SIGLEC6: variants seen among roughly 807,000 people sequenced by gnomAD.
SIGLEC6 encodes the protein sialic acid-binding Ig-like lectin 6.
Under a neutral mutation model 41.4 loss-of-function variants are expected in SIGLEC6, and 31 were observed. That is an observed-to-expected ratio of 0.75 (90% CI 0.56 to 1.01). SIGLEC6 has a LOEUF of 1.01. Among genes scored for constraint, SIGLEC6 ranks in the 50% least tolerant of loss-of-function variants. The pLI is 0.00. For synonymous variants in SIGLEC6, 217 were observed against 231.0 expected, an observed-to-expected ratio of 0.94 and a Z score of 0.55; for missense variants, 555 against 558.6, an observed-to-expected ratio of 0.99 and a Z score of 0.06.
rs767794168 is a variant in SIGLEC6 at position 51,530,979 on chromosome 19, G to A, written c.428-20C>T. The A allele has an allele frequency of 5.4e-5, 87 of 1,605,940 alleles. No homozygotes were observed. Among genetic ancestry groups the A allele is most frequent in the East Asian group, 2.5e-4 (11 of 44,876 alleles). ...TCAGGGCTGGTGAGGAGATGGGGAC[G>A]CAGGATCAGGATGGAGGTCTGAGGT... is the stretch of plus-strand genomic sequence containing the variant. On this transcript the variant is annotated intron_variant, in intron 2 of 7. Transcript: ENST00000425629.
rs377632071 is a variant in SIGLEC6, at chr19:51,529,970, G to C, written c.766C>G (p.Leu256Val). The C allele has an allele frequency of 6.3e-7, 1 of 1,592,874 alleles. No homozygotes were observed. The highest frequency in any genetic ancestry group is 1.7e-5 in the Admixed American group (1 of 57,878). ...ACAGGGAGGGACGAGGTGTTTTGCA[G>C]GATTTTGAAGGCTTTGGGGAGAGAG... ...FQGNSAAFKI[L>V]QNTSSLPVLE... is the part of the protein sequence containing the mutation. Residue 256 changes from leucine to valine, a missense_variant, in exon 5 of 8, where the codon CTG (leucine) becomes GTG (valine). Coordinates refer to ENST00000425629, the MANE Select transcript of SIGLEC6 (RefSeq NM_001245.7).
chr19:51,528,958 G>A (rs1431687956), intron 5 of SIGLEC6, among the ~76,000 whole-genome samples: 4 of 131,180 alleles, frequency 3.0e-5, no homozygotes, highest in South Asian at 2.4e-4. Context: ...AGCCAAGATC[G>A]CACCATTGCA....
chr19:51,529,568 GCAGTGTGGACTCTAAGC>G, intron 5 of SIGLEC6, 139 bp downstream of exon 5: 1 of 871,452 alleles, frequency 1.1e-6, no homozygotes, highest in Non-Finnish European at 1.8e-6. Context: ...AGGAGCCACT[GCAGTGTGGACTCTAAGC>G]CTCCCAGAGG....
intron 7 of SIGLEC6, among the ~76,000 whole-genome samples, 200 bp from the exon 8 acceptor site, chr19:51,520,455 T>C (rs1421910257): frequency 6.6e-6 from 1 of 152,152 alleles, no homozygotes; most frequent in Admixed American, 6.5e-5. Flanking sequence ...AGCGGCATGA[T>C]CACGGCTCAG....
rs772505116 is a variant in SIGLEC6, at chr19:51,531,228, A to T, written c.359T>A (p.Phe120Tyr). The change falls in exon 2 of 8, where the codon TTC becomes TAC. Residue 120 changes from phenylalanine (F) to tyrosine (Y), a missense_variant. Phe to Tyr is a conservative substitution (Grantham distance 22). Transcript: ENST00000425629. Reference protein sequence around the residue: ...DARRRDNAAYFFRLKSKWMKY... With the variant: ...DARRRDNAAYYFRLKSKWMKY... Reference sequence around the variant, plus strand: ...CATCCATTTGGACTTCAACCGAAAGAAGTATGCAGCATTGTCCCTCCTCCG... The same window carrying T: ...CATCCATTTGGACTTCAACCGAAAGTAGTATGCAGCATTGTCCCTCCTCCG... 3.7e-6 allele frequency: 6 copies of T among 1,613,338 alleles called. No homozygotes were observed. Among genetic ancestry groups the T allele is most frequent in the Non-Finnish European group, 5.1e-6 (6 of 1,179,630 alleles).
chr19:51,525,340 C>G lies in SIGLEC6; in HGVS notation c.1188+2407G>C, dbSNP rs2122364034. On this transcript the variant is annotated intron_variant, in intron 7 of 7. Transcript: ENST00000425629. Reference sequence around the variant, plus strand: ...GCCATTTTTTCTGCCGCCACAGCTCCCACTCCTACTCCCCCGAGGCTGGAG... The same window carrying G: ...GCCATTTTTTCTGCCGCCACAGCTCGCACTCCTACTCCCCCGAGGCTGGAG... Among the ~76,000 whole-genome samples, 2 of 152,230 alleles carry G rather than the reference C, an allele frequency of 1.3e-5. 1 individual carries two copies. Among genetic ancestry groups the G allele is most frequent in the Middle Eastern group, 6.8e-3 (2 of 294 alleles).
At chr19:51,520,991 T>C (rs989998318) in intron 7 of SIGLEC6, among the ~76,000 whole-genome samples, 10 of 152,160 alleles carry the variant, frequency 6.6e-5, no homozygotes, top group African/African-American at 2.4e-4. Context: ...TTCTATGAGA[T>C]GCAGTTAGTT....
In SIGLEC6 at chr19:51,519,882, A is replaced by G; in HGVS notation, c.*200T>C. ...ACACAAGGAGGAGACAGCCATCTAC[A>G]AGCCAACAAGAGAGGCCTTAGAAGG... On this transcript the variant is annotated 3_prime_UTR_variant, in exon 8 of 8. Transcript: ENST00000425629. 2.8e-6 allele frequency: 1 copy of G among 352,554 alleles called. No individual in the cohort carries two copies. Among genetic ancestry groups the G allele is most frequent in the Non-Finnish European group, 5.1e-6 (1 of 195,306 alleles). The allele number at this position is 352,554 out of a possible 1,614,324, so 21.8% of individuals were successfully genotyped here.
Position 51,519,296 on chromosome 19 carries a change from G to GAAAAAA in SIGLEC6, c.*780_*785dup, listed in dbSNP as rs10651662. Among the ~76,000 whole-genome samples the GAAAAAA allele has an allele frequency of 8.8e-5, 8 of 90,748 alleles. No individual in the cohort carries two copies. The highest frequency in any genetic ancestry group is 1.3e-4 in the African/African-American group (3 of 22,654). 59.5% of individuals were successfully genotyped at this position (90,748 alleles called of 152,430 possible). On this transcript the variant is annotated 3_prime_UTR_variant, in exon 8 of 8. Transcript: ENST00000425629. Reference sequence around the variant, plus strand: ...GGAGATACAGCAAGACTCCATCTCAGAAAAAAAAAAAAAAAAAAAAAGCTA... The same window carrying GAAAAAA: ...GGAGATACAGCAAGACTCCATCTCAGAAAAAAAAAAAAAAAAAAAAAAAAAAAGCTA...
intron 5 of SIGLEC6, chr19:51,528,470 G>C: frequency 1.7e-6 from 1 of 581,000 alleles, no homozygotes; most frequent in Non-Finnish European, 3.1e-6. Flanking sequence ...AGCCACTCTT[G>C]TCTGGGCCTT....
chr19:51,523,018 T>A (rs1978547109), intron 7 of SIGLEC6, among the ~76,000 whole-genome samples: 1 of 151,990 alleles, frequency 6.6e-6, no homozygotes, highest in Non-Finnish European at 1.5e-5. Flanking sequence ...TGCATGCCTG[T>A]AGTCATAGCT....
In SIGLEC6 at chr19:51,527,552, T is replaced by G. The variant is rs551272407; in HGVS notation, c.1188+195A>C. ...ACGTATTTCATCAGAACTATTAGAT[T>G]CAGTTCCAAATGTTACTATTTTAAA... is the stretch of plus-strand genomic sequence containing the variant. On this transcript the variant is annotated intron_variant, in intron 7 of 7. Coordinates refer to ENST00000425629, the MANE Select transcript of SIGLEC6 (RefSeq NM_001245.7). Among the ~76,000 whole-genome samples, 4 of 152,350 alleles carry G rather than the reference T, an allele frequency of 2.6e-5. No individual in the cohort carries two copies. The Middle Eastern group carries it at 0.014, about 518-fold the overall frequency.
chr19:51,531,579 C>T lies in SIGLEC6; in HGVS notation c.67+3G>A, dbSNP rs1980412197. On this transcript the variant is annotated splice_donor_region_variant and intron_variant, in intron 1 of 7. Transcript: ENST00000425629. ...CACGGCACCTCTCCCCTGGCCCACT[C>T]ACCTGCCCACAGCAGGGGCAGCAGC... The T allele has an allele frequency of 4.3e-6, 7 of 1,613,806 alleles. No homozygotes were observed. In the African/African-American group the frequency reaches 5.3e-5, roughly 12 times the overall value.
Position 51,531,363 on chromosome 19 carries a change from G to A in SIGLEC6, c.224C>T (p.Pro75Leu), listed in dbSNP as rs750482700. The change falls in exon 2 of 8, where the codon CCA (proline) becomes CTA (leucine). Residue 75 changes from proline (P) to leucine (L), a missense_variant. Coordinates refer to ENST00000425629, the MANE Select transcript of SIGLEC6 (RefSeq NM_001245.7). ...GYWFLEGADV[P>L]VATNDPDEEV... ...TTCGTCTGGGTCGTTTGTGGCCACT[G>A]GAACATCAGCCCCTTCCAGGAACCA... 3.1e-6 allele frequency: 5 copies of A among 1,614,056 alleles called. No homozygotes were observed. In the African/African-American group the frequency reaches 6.7e-5, roughly 22 times the overall value.
Position 51,520,105 on chromosome 19 carries a change from A to T in SIGLEC6, c.1339T>A (p.Ser447Thr). 6.3e-7 allele frequency: 1 copy of T among 1,579,074 alleles called. No individual in the cohort carries two copies. ...CCTCACTTGTGTATCTTGATTTCTG[A>T]GTACTCAGTGTCGGTGACCTTTGGT... is the stretch of plus-strand genomic sequence containing the variant. Reference protein sequence around the residue: ...QEPKVTDTEYSEIKIHK With the variant: ...QEPKVTDTEYTEIKIHK The change falls in exon 8 of 8, where the codon TCA (serine) becomes ACA (threonine). Residue 447 changes from serine to threonine, a missense_variant. By Grantham distance (58) the Ser-to-Thr change is moderately conservative. Transcript: ENST00000425629.
intron 7 of SIGLEC6, among the ~76,000 whole-genome samples, chr19:51,527,318 T>C (rs1460108088): frequency 6.6e-6 from 1 of 152,168 alleles, no homozygotes; most frequent in Non-Finnish European, 1.5e-5. Context: ...GTAATAGTGA[T>C]GAGCAGTAAT....
chr19:51,523,477 G>A (rs1180723701), intron 7 of SIGLEC6, among the ~76,000 whole-genome samples: 5 of 152,078 alleles, frequency 3.3e-5, no homozygotes, highest in Non-Finnish European at 7.4e-5. Flanking sequence ...CAAATACCAA[G>A]AAAGATAAAA....
intron 5 of SIGLEC6, among the ~76,000 whole-genome samples, chr19:51,529,014 A>AAAAAAT (rs971705292): frequency 6.6e-6 from 1 of 151,504 alleles, no homozygotes; most frequent in Non-Finnish European, 1.5e-5. Flanking sequence ...AAAAAAAAAA[A>AAAAAAT]AAAAGGGAAA....
At chr19:51,523,142 G>GAA (rs201151477) in intron 7 of SIGLEC6, among the ~76,000 whole-genome samples, 2 of 145,762 alleles carry the variant, frequency 1.4e-5, no homozygotes, top group African/African-American at 5.0e-5. Context: ...CCTGTCTCAG[G>GAA]AAAAAAAAAA....
Sources: gnomAD v4.1 joint callset for allele counts (sites outside exome capture counted in the v4.1 genomes callset) on GRCh38, gnomAD v4.1.1 for gene constraint, MANE v1.5 for transcripts, NCBI Gene and HGNC (gene_info 2026-07-23, HGNC 2026-07-21) for gene names.